Variants in PCDHGB4 observed in about 807,000 individuals in gnomAD.
PCDHGB4 encodes the protein protocadherin gamma subfamily B, 4.
PCDHGB4 carries 38 observed loss-of-function variants against 60.5 expected under a neutral mutation model. The ratio of observed to expected loss-of-function variants is 0.63; its 90% CI spans 0.48 to 0.82. The LOEUF (loss-of-function observed/expected upper bound fraction) is 0.82. Ranked by LOEUF, PCDHGB4 falls within the 40% of genes least tolerant of loss-of-function variation. The probability of loss-of-function intolerance (pLI) is 0.00; values close to 1 mark genes in which losing one functional copy is unlikely to be tolerated. For synonymous variants in PCDHGB4, 456 were observed against 509.7 expected (o/e 0.89, Z 1.42); for missense variants, 1,109 against 1,209.6 (o/e 0.92, Z 1.23).
rs556656447 is a variant in PCDHGB4 at position 141,500,319 on chromosome 5, C to CT, written c.2457-5073dup. Among the ~76,000 whole-genome samples the CT allele has an allele frequency of 2.6e-5, 4 of 152,122 alleles. No homozygotes were observed. The South Asian group carries it at 8.3e-4, about 32-fold the overall frequency. Reference sequence around the variant, plus strand: ...CGCCTCCCAGGTTCACGCCATGCTCCTGCCTCAGCCTCCAGAATAGCTGGG... The same window carrying CT: ...CGCCTCCCAGGTTCACGCCATGCTCCTTGCCTCAGCCTCCAGAATAGCTGGG... On this transcript the variant is annotated intron_variant, in intron 2 of 3. Coordinates refer to ENST00000519479, the MANE Select transcript of PCDHGB4 (RefSeq NM_003736.4).
intron 1 of PCDHGB4, among the ~76,000 whole-genome samples, chr5:141,468,089 T>C (rs1349447353): frequency 6.6e-6 from 1 of 151,010 alleles, no homozygotes; most frequent in Non-Finnish European, 1.5e-5. Context: ...CTTTGGGAGG[T>C]TGAGGCAGGC....
At chr5:141,498,796 G>C (rs1160540093) in intron 2 of PCDHGB4, among the ~76,000 whole-genome samples, 1 of 152,032 alleles carries the variant, frequency 6.6e-6, no homozygotes, top group African/African-American at 2.4e-5. Context: ...AGCCAGGTGT[G>C]GTGGTGCACA....
chr5:141,473,362 C>G (rs2099320242), intron 1 of PCDHGB4, among the ~76,000 whole-genome samples: 1 of 152,166 alleles, frequency 6.6e-6, no homozygotes, highest in South Asian at 2.1e-4. Flanking sequence ...AAGTGGCCAC[C>G]AAAATAGCAT....
chr5:141,405,333 CTGTT>C (rs1203111813), intron 1 of PCDHGB4: 18 of 1,614,204 alleles, frequency 1.1e-5, no homozygotes, highest in Non-Finnish European at 1.4e-5. Flanking sequence ...TTGTGCGTCT[CTGTT>C]GATTCCAAGT....
intron 1 of PCDHGB4, chr5:141,426,420 C>T (rs2096934904): frequency 3.5e-6 from 1 of 287,972 alleles, no homozygotes; most frequent in Non-Finnish European, 6.9e-6. Flanking sequence ...TCCAGGGCTC[C>T]GTGGTGGGGA....
intron 1 of PCDHGB4, chr5:141,404,736 A>T: frequency 6.2e-7 from 1 of 1,613,622 alleles, no homozygotes. Context: ...GTGGCAGTGG[A>T]CAGAGACTCA....
At chr5:141,438,282 T>C (rs915347472) in intron 1 of PCDHGB4, among the ~76,000 whole-genome samples, 1 of 151,630 alleles carries the variant, frequency 6.6e-6, no homozygotes, top group African/African-American at 2.4e-5. Context: ...CAAAATAATT[T>C]AATCTGTATG....
intron 1 of PCDHGB4, chr5:141,405,580 G>T: frequency 1.7e-6 from 1 of 591,996 alleles, no homozygotes; most frequent in South Asian, 2.1e-5. Flanking sequence ...GAGTAGCTGG[G>T]ACTACAGGCC....
chr5:141,457,899 C>CA (rs2098931976), intron 1 of PCDHGB4, among the ~76,000 whole-genome samples: 1 of 148,818 alleles, frequency 6.7e-6, no homozygotes, highest in Admixed American at 6.7e-5. Context: ...ACTGTGTAGA[C>CA]AAGGTGTGAG....
In PCDHGB4 at chr5:141,476,477, G is replaced by T. The variant is rs768824553; in HGVS notation, c.2398-18330G>T. The T allele has an allele frequency of 1.9e-6, 3 of 1,614,078 alleles. No homozygotes were observed. The highest frequency in any genetic ancestry group is 1.7e-5 in the Admixed American group (1 of 60,016). Reference sequence around the variant, plus strand: ...GGAGAACCCGCTGGAGCTGTTCAGCGTGGAAGTGGTGATCCAGGACATCAA... The same window carrying T: ...GGAGAACCCGCTGGAGCTGTTCAGCTTGGAAGTGGTGATCCAGGACATCAA... On this transcript the variant is annotated intron_variant, in intron 1 of 3. Coordinates refer to ENST00000519479, the MANE Select transcript of PCDHGB4 (RefSeq NM_003736.4). This position sits in a 1 kb window ranked among gnomAD's most constrained non-coding sequence, Gnocchi z 7.6.
chr5:141,397,287 G>A (rs2093504712), intron 1 of PCDHGB4, among the ~76,000 whole-genome samples: 1 of 152,134 alleles, frequency 6.6e-6, no homozygotes, highest in Admixed American at 6.5e-5. Flanking sequence ...CAGTATACTT[G>A]AATGAATATT....
chr5:141,403,850 G>A lies in PCDHGB4; in HGVS notation c.2397+13569G>A, dbSNP rs368454282. The A allele has an allele frequency of 1.4e-5, 23 of 1,613,634 alleles. No individual in the cohort carries two copies. In the African/African-American group the frequency reaches 3.1e-4, roughly 22 times the overall value. On this transcript the variant is annotated intron_variant, in intron 1 of 3. Coordinates refer to ENST00000519479, the MANE Select transcript of PCDHGB4 (RefSeq NM_003736.4). Reference sequence around the variant, plus strand: ...ATTCCAGCTTAATGAAAATACTGGGGAAATATCAACAGCAAAAAGTCTAGA... The same window carrying A: ...ATTCCAGCTTAATGAAAATACTGGGAAAATATCAACAGCAAAAAGTCTAGA...
intron 1 of PCDHGB4, among the ~76,000 whole-genome samples, chr5:141,467,882 C>T (rs1278937609): frequency 6.6e-6 from 1 of 152,036 alleles, no homozygotes; most frequent in East Asian, 1.9e-4. Context: ...TGGTCTCAAA[C>T]TCCTGAGCTC....
intron 2 of PCDHGB4, among the ~76,000 whole-genome samples, chr5:141,497,126 C>T (rs565697662): frequency 8.2e-4 from 125 of 151,844 alleles, no homozygotes; most frequent in African/African-American, 3.0e-3. Flanking sequence ...GCAGAGGTTG[C>T]AGTGAGCTGA....
At chr5:141,404,029 C>A in intron 1 of PCDHGB4, 2 of 1,613,428 alleles carry the variant, frequency 1.2e-6, no homozygotes, top group South Asian at 1.1e-5. Flanking sequence ...TGAGAGAAGA[C>A]GCACCTCAGG....
Position 141,389,818 on chromosome 5 carries a change from G to A in PCDHGB4, c.1934G>A (p.Arg645His), listed in dbSNP as rs778055680. Residue 645 changes from arginine (R) to histidine (H), a missense_variant, in exon 1 of 4, where the codon CGT (arginine) becomes CAT (histidine). Physicochemically the swap from Arg to His is conservative, Grantham distance 29. Coordinates refer to ENST00000519479, the MANE Select transcript of PCDHGB4 (RefSeq NM_003736.4). ...CGCCAGCGCCTTCTGGTCGCCGTGC[G>A]TGACGGTGGACAGCCACCACTCTCG... ...AVRQRLLVAV[R>H]DGGQPPLSAT... 6.2e-7 allele frequency: 1 copy of A among 1,613,888 alleles called. No homozygotes were observed. The highest frequency in any genetic ancestry group is 8.5e-7 in the Non-Finnish European group (1 of 1,179,888).
In PCDHGB4 at chr5:141,512,133, G is replaced by A. The variant is rs1394116556; in HGVS notation, c.*960G>A. ...CCACTACATAATAGGGCTCAGCCCA[G>A]GCAGCCAGCTTTGGGCTGAGCTAAC... On this transcript the variant is annotated 3_prime_UTR_variant, in exon 4 of 4. Coordinates refer to ENST00000519479, the MANE Select transcript of PCDHGB4 (RefSeq NM_003736.4). 3 of 152,708 alleles carry A rather than the reference G, an allele frequency of 2.0e-5. No homozygotes were observed. Among genetic ancestry groups the A allele is most frequent in the Non-Finnish European group, 2.9e-5 (2 of 68,102 alleles). 9.5% of individuals were successfully genotyped at this position (152,708 alleles called of 1,614,324 possible).
chr5:141,486,734 C>G lies in PCDHGB4; in HGVS notation c.2398-8073C>G, dbSNP rs2099634292. On this transcript the variant is annotated intron_variant, in intron 1 of 3. Transcript: ENST00000519479. This position sits in a 1 kb window ranked among gnomAD's most constrained non-coding sequence, Gnocchi z 5.0. ...CCAGACAGGAGCTGTTCATGCTACT[C>G]GATCCTTTGACTATGAGCAAACCCA... 6.2e-7 allele frequency: 1 copy of G among 1,614,070 alleles called. No individual in the cohort carries two copies. The highest frequency in any genetic ancestry group is 1.7e-5 in the Admixed American group (1 of 60,000).
intron 1 of PCDHGB4, chr5:141,398,277 C>T: frequency 1.4e-6 from 2 of 1,407,866 alleles, no homozygotes; most frequent in Non-Finnish European, 1.9e-6. Flanking sequence ...TGGGGAACCT[C>T]GCCACGGACC....
Sources: gnomAD v4.1 joint callset for allele counts (sites outside exome capture counted in the v4.1 genomes callset) on GRCh38, gnomAD v4.1.1 for gene constraint, Gnocchi (gnomAD v3.1) non-coding constraint, MANE v1.5 for transcripts, NCBI Gene and HGNC (gene_info 2026-07-23, HGNC 2026-07-21) for gene names.